The following ABCA6 variants were observed in gnomAD, a reference collection of about 807,000 sequenced individuals.
The protein encoded by ABCA6 is ATP-binding cassette sub-family A member 6.
In ABCA6, 164 loss-of-function variants were observed where a neutral mutation model predicts 191.2. That is an observed-to-expected ratio of 0.86 (90% CI 0.76 to 0.98). The LOEUF (loss-of-function observed/expected upper bound fraction) is 0.98, where lower values mean the gene tolerates loss of function less well. ABCA6 is among the 50% of genes least tolerant of loss of function. ABCA6 has a pLI of 0.00. For missense variants in ABCA6, 1,958 were observed against 1,894.1 expected (o/e 1.03, Z -0.63); for synonymous variants, 636 against 647.7 (o/e 0.98, Z 0.27).
At chr17:69,140,865 TA>T (rs2074016460) in intron 1 of ABCA6, 117 bp from the exon 2 acceptor site, 1 of 409,788 alleles carries the variant, frequency 2.4e-6, no homozygotes, top group African/African-American at 2.1e-5. Flanking sequence ...TTTATGACTG[TA>T]AAATTTCACC....
intron 5 of ABCA6, 66 bp downstream of exon 5, chr17:69,134,573 C>A: frequency 1.7e-6 from 2 of 1,170,602 alleles, no homozygotes; most frequent in Non-Finnish European, 2.5e-6. Context: ...TATCTTTCAT[C>A]AAAAATCTTG....
At chr17:69,106,358 C>A in intron 18 of ABCA6, 147 bp from the exon 19 acceptor site, 1 of 707,996 alleles carries the variant, frequency 1.4e-6, no homozygotes, top group Non-Finnish European at 2.1e-6. Flanking sequence ...TCTGGGAGAC[C>A]AAGGTGGGTG....
At position 69,136,752 on chromosome 17, in the gene ABCA6, A is replaced by G. The variant is rs557266803; in HGVS notation, c.302-502T>C. The stretch of plus-strand genomic sequence containing the variant: ...TAGCCAAATTGCACCCAATTTGCCC[A>G]TGAATGAAATATGCATTTTGCTTAT... On this transcript the variant is annotated intron_variant, in intron 3 of 38. Coordinates refer to ENST00000284425, the MANE Select transcript of ABCA6 (RefSeq NM_080284.3). 7.0e-4 allele frequency among the ~76,000 whole-genome samples: 106 copies of G among 152,302 alleles called. 1 individual carries two copies. The highest frequency in any genetic ancestry group is 3.7e-3 in the South Asian group (18 of 4,826).
At chr17:69,097,386 ATC>A in intron 23 of ABCA6, among the ~76,000 whole-genome samples, 1 of 140,520 alleles carries the variant, frequency 7.1e-6, no homozygotes, top group Admixed American at 6.8e-5. Flanking sequence ...GTGAGACTCC[ATC>A]TCAAAAAAAA....
chr17:69,106,593 GAAAAAAA>G (rs57384424), intron 18 of ABCA6, among the ~76,000 whole-genome samples: 1 of 102,146 alleles, frequency 9.8e-6, no homozygotes, highest in African/African-American at 3.9e-5. Flanking sequence ...ACTCCATCTC[GAAAAAAA>G]AAAAAAAAAA....
intron 3 of ABCA6, 62 bp from the exon 4 acceptor site, chr17:69,136,312 T>C: frequency 8.0e-7 from 1 of 1,253,722 alleles, no homozygotes; most frequent in East Asian, 2.7e-5. Flanking sequence ...CAACATAATG[T>C]GATATTCAAC....
chr17:69,114,479 G>T (rs2073497269), intron 13 of ABCA6, among the ~76,000 whole-genome samples: 1 of 151,982 alleles, frequency 6.6e-6, no homozygotes, highest in South Asian at 2.1e-4. Context: ...ACGAGTTACT[G>T]GGTGCAGCAC....
At chr17:69,127,056 T>A (rs947873832) in intron 8 of ABCA6, among the ~76,000 whole-genome samples, 1 of 152,186 alleles carries the variant, frequency 6.6e-6, no homozygotes, top group African/African-American at 2.4e-5. Context: ...AAGGAAAGGA[T>A]AGTCTAGTTG....
In ABCA6 at chr17:69,128,718, T is replaced by A; in HGVS notation, c.1020A>T (p.Gly340=). The A allele has an allele frequency of 6.2e-6, 10 of 1,612,852 alleles. No individual in the cohort carries two copies. The highest frequency in any genetic ancestry group is 1.1e-5 in the South Asian group (1 of 90,914). ...LVVFLLTLFW[G]CLGFTVFYEQ... is the part of the protein sequence containing the mutation. ...CATAAAATACAGTGAATCCCAGACATCCCCAAAAGAGGGTAAGGAGAAACA... is the reference window on the plus strand; with the variant it reads ...CATAAAATACAGTGAATCCCAGACAACCCCAAAAGAGGGTAAGGAGAAACA... Residue 340 remains glycine, a synonymous_variant, in exon 8 of 39, where the codon GGA becomes GGT. Coordinates refer to ENST00000284425, the MANE Select transcript of ABCA6 (RefSeq NM_080284.3).
At chr17:69,083,469 T>C (rs2072693280) in intron 34 of ABCA6, 138 bp from the exon 35 acceptor site, 3 of 728,730 alleles carry the variant, frequency 4.1e-6, no homozygotes, top group South Asian at 4.8e-5. Flanking sequence ...AGGTTTTTGA[T>C]AACATAAATA....
chr17:69,087,529 C>A, intron 28 of ABCA6, 56 bp from the exon 29 acceptor site: 1 of 1,596,332 alleles, frequency 6.3e-7, no homozygotes. Context: ...AAAGATGTGT[C>A]AAAAATCAGC....
chr17:69,107,651 A>C (rs1384376120), intron 18 of ABCA6, 45 bp downstream of exon 18: 1 of 1,245,440 alleles, frequency 8.0e-7, no homozygotes, highest in African/African-American at 1.5e-5. Flanking sequence ...TTGACACATG[A>C]TCATTTGGGA....
Position 69,085,083 on chromosome 17 carries a change from C to T in ABCA6, c.4129G>A (p.Val1377Met), listed in dbSNP as rs747677895. Residue 1377 changes from valine to methionine, a missense_variant, in exon 32 of 39, where the codon GTG (valine) becomes ATG (methionine). Transcript: ENST00000284425. Reference sequence around the variant, plus strand: ...CTGAGCCCCTTGACGGCAGCATACACCTCCAGGTGTTCCCTCAACGTCAGC... The same window carrying T: ...CTGAGCCCCTTGACGGCAGCATACATCTCCAGGTGTTCCCTCAACGTCAGC... ...PMLTLREHLE[V>M]YAAVKGLRKA... is the part of the protein sequence containing the mutation. 3.7e-6 allele frequency: 6 copies of T among 1,613,696 alleles called. No individual in the cohort carries two copies. The highest frequency in any genetic ancestry group is 5.1e-6 in the Non-Finnish European group (6 of 1,179,914).
intron 23 of ABCA6, 130 bp downstream of exon 23, chr17:69,097,789 GT>G: frequency 1.6e-6 from 1 of 623,328 alleles, no homozygotes; most frequent in Non-Finnish European, 2.6e-6. Flanking sequence ...CAAGAATAAG[GT>G]TTAGCTACAA....
chr17:69,113,791 C>G, intron 13 of ABCA6, 54 bp from the exon 14 acceptor site: 1 of 1,524,808 alleles, frequency 6.6e-7, no homozygotes. Flanking sequence ...GACATTTATG[C>G]AGCCAAAAGA....
chr17:69,120,262 A>G (rs2073616053), intron 10 of ABCA6, among the ~76,000 whole-genome samples: 1 of 152,058 alleles, frequency 6.6e-6, no homozygotes, highest in Non-Finnish European at 1.5e-5. Flanking sequence ...CAAAGCAAAT[A>G]TGACAATAAT....
intron 6 of ABCA6, among the ~76,000 whole-genome samples, chr17:69,133,115 A>T (rs2073894044): frequency 6.6e-6 from 1 of 152,218 alleles, no homozygotes; most frequent in Non-Finnish European, 1.5e-5. Context: ...TAGGAATATT[A>T]TGTGGGCTCT....
chr17:69,100,714 T>C (rs193190811), intron 22 of ABCA6, 83 bp downstream of exon 22: 2 of 1,358,714 alleles, frequency 1.5e-6, no homozygotes, highest in East Asian at 2.5e-5. Context: ...CAATCACTTA[T>C]GGATATTTAA....
intron 37 of ABCA6, 64 bp downstream of exon 37, chr17:69,081,002 T>C: frequency 1.9e-6 from 2 of 1,049,268 alleles, no homozygotes; most frequent in Admixed American, 2.4e-5. Flanking sequence ...TTAGCTTCCA[T>C]TAAATTATTA....
Sources: gnomAD v4.1 joint callset for allele counts (sites outside exome capture counted in the v4.1 genomes callset) on GRCh38, gnomAD v4.1.1 for gene constraint, MANE v1.5 for transcripts, NCBI Gene and HGNC (gene_info 2026-07-23, HGNC 2026-07-21) for gene names.